Variants in XKR6 observed in about 807,000 individuals in gnomAD.
The protein encoded by XKR6 is XK-related protein 6.
XKR6 carries 22 observed loss-of-function variants against 56.7 expected under a neutral mutation model. The observed-to-expected ratio is 0.39, with a 90% CI of 0.28 to 0.55. The LOEUF (loss-of-function observed/expected upper bound fraction) is 0.55, where lower values mean the gene tolerates loss of function less well. XKR6 is among the 20% of genes least tolerant of loss of function. The pLI, the probability that XKR6 is intolerant of heterozygous loss-of-function variation, is 0.66. For missense variants in XKR6, 852 were observed against 889.0 expected (o/e 0.96, Z 0.53); for synonymous variants, 524 against 387.8 (o/e 1.35, Z -4.13).
intron 1 of XKR6, among the ~76,000 whole-genome samples, chr8:11,000,501 C>T (rs1798213160): frequency 6.6e-6 from 1 of 152,094 alleles, no homozygotes; most frequent in African/African-American, 2.4e-5. Flanking sequence ...GCCTAGCCAG[C>T]ATGGTGAAAC....
At chr8:11,093,448 C>T (rs1307714482) in intron 1 of XKR6, among the ~76,000 whole-genome samples, 1 of 152,208 alleles carries the variant, frequency 6.6e-6, no homozygotes, top group East Asian at 1.9e-4. Context: ...AACTTTTCTG[C>T]GAGCAGTTCT....
chr8:10,966,345 T>G (rs1224785620), intron 1 of XKR6, among the ~76,000 whole-genome samples: 2 of 151,730 alleles, frequency 1.3e-5, no homozygotes, highest in African/African-American at 4.8e-5. Context: ...GCCTGTACCA[T>G]CACCATTAGC....
chr8:10,938,222 G>A (rs1028319529), intron 1 of XKR6, among the ~76,000 whole-genome samples: 1 of 152,176 alleles, frequency 6.6e-6, no homozygotes, highest in Admixed American at 6.5e-5. Context: ...GACCCCTTGC[G>A]CTTCCCAGGT....
chr8:11,117,560 G>A (rs988951715), intron 1 of XKR6, among the ~76,000 whole-genome samples: 14 of 152,088 alleles, frequency 9.2e-5, no homozygotes, highest in African/African-American at 3.1e-4. Context: ...ATCCAGAAAT[G>A]TCACATTTAA....
Position 11,071,197 on chromosome 8 carries a change from G to C in XKR6, c.764+129379C>G, listed in dbSNP as rs144773732. On this transcript the variant is annotated intron_variant, in intron 1 of 2. Transcript: ENST00000416569. ...CAGCCCAGGCACAGCTTCCTCACGG[G>C]TGTGTGGTCATTGCTCAGCATTTAG... is the stretch of plus-strand genomic sequence containing the variant. 4.4e-3 allele frequency among the ~76,000 whole-genome samples: 669 copies of C among 152,286 alleles called. 1 individual carries two copies. Among genetic ancestry groups the C allele is most frequent in the Non-Finnish European group, 6.0e-3 (410 of 68,026 alleles).
chr8:11,070,113 A>G (rs1354968535), intron 1 of XKR6, among the ~76,000 whole-genome samples: 1 of 152,164 alleles, frequency 6.6e-6, no homozygotes, highest in Non-Finnish European at 1.5e-5. Context: ...AGTCCTGACA[A>G]CACAGATGTG....
chr8:11,078,817 G>A (rs1045806671), intron 1 of XKR6, among the ~76,000 whole-genome samples: 2 of 152,192 alleles, frequency 1.3e-5, no homozygotes, highest in African/African-American at 4.8e-5. Flanking sequence ...TCCAGTCTCA[G>A]CACCATAGGA....
At chr8:11,089,450 G>A (rs539423622) in intron 1 of XKR6, among the ~76,000 whole-genome samples, 1 of 152,222 alleles carries the variant, frequency 6.6e-6, no homozygotes, top group Non-Finnish European at 1.5e-5. Context: ...GGACAATACA[G>A]CAAGACCCCA....
intron 1 of XKR6, among the ~76,000 whole-genome samples, chr8:11,048,766 G>C (rs1049999143): frequency 3.3e-5 from 5 of 152,166 alleles, no homozygotes; most frequent in African/African-American, 4.8e-5. Flanking sequence ...AGACCTCCCG[G>C]TGGCTGATGC....
intron 1 of XKR6, among the ~76,000 whole-genome samples, chr8:10,926,502 C>G (rs998283954): frequency 6.6e-6 from 1 of 152,208 alleles, no homozygotes; most frequent in African/African-American, 2.4e-5. Flanking sequence ...AGACCCACCC[C>G]CTGTGGTGAG....
intron 1 of XKR6, among the ~76,000 whole-genome samples, chr8:11,192,785 C>G (rs117548153): frequency 6.6e-6 from 1 of 152,098 alleles, no homozygotes; most frequent in African/African-American, 2.4e-5. Context: ...GCCTGGAATC[C>G]GCATGTTAAT....
chr8:10,913,401 C>T (rs1257432436), intron 2 of XKR6, among the ~76,000 whole-genome samples: 2 of 152,020 alleles, frequency 1.3e-5, no homozygotes, highest in African/African-American at 2.4e-5. Context: ...TTAACCGTTG[C>T]CTTGCCCCTT....
At chr8:11,091,713 A>G (rs1225184661) in intron 1 of XKR6, among the ~76,000 whole-genome samples, 2 of 152,160 alleles carry the variant, frequency 1.3e-5, no homozygotes, top group Non-Finnish European at 2.9e-5. Context: ...AGCCATTTGC[A>G]GTGATGCCCT....
At chr8:11,106,520 C>T (rs1475130511) in intron 1 of XKR6, 1 of 152,262 alleles carries the variant, frequency 6.6e-6, no homozygotes, top group African/African-American at 2.4e-5. Flanking sequence ...CCAGTGGAGA[C>T]AACTGTCATC....
At chr8:11,053,418 C>G (rs1315808807) in intron 1 of XKR6, among the ~76,000 whole-genome samples, 8 of 152,362 alleles carry the variant, frequency 5.3e-5, no homozygotes, top group African/African-American at 1.7e-4. Context: ...CCAGGTCCTT[C>G]TGGTGCTAAT....
chr8:11,119,884 C>T (rs774272105), intron 1 of XKR6, among the ~76,000 whole-genome samples: 28 of 152,054 alleles, frequency 1.8e-4, no homozygotes, highest in Non-Finnish European at 2.4e-4. Context: ...GTTCAACATA[C>T]GAAAATCAAT....
chr8:11,002,759 C>G (rs1218737786), intron 1 of XKR6, among the ~76,000 whole-genome samples: 1 of 152,198 alleles, frequency 6.6e-6, no homozygotes, highest in African/African-American at 2.4e-5. Context: ...GGTGCGGGCT[C>G]AGTGCTAAGG....
intron 1 of XKR6, among the ~76,000 whole-genome samples, chr8:11,063,320 TA>T (rs879575972): frequency 4.3e-3 from 602 of 140,474 alleles, no homozygotes; most frequent in African/African-American, 8.7e-3. Context: ...GAACAAAAAG[TA>T]AAAAAAAAAA....
At chr8:11,188,598 A>T (rs1213638458) in intron 1 of XKR6, among the ~76,000 whole-genome samples, 1 of 152,236 alleles carries the variant, frequency 6.6e-6, no homozygotes, top group Non-Finnish European at 1.5e-5. Flanking sequence ...CTTTTCCTTC[A>T]GAGTTTTCTT....
Sources: allele counts gnomAD v4.1 joint callset (sites outside exome capture counted in the v4.1 genomes callset), GRCh38; gene constraint gnomAD v4.1.1; transcripts MANE v1.5; gene names NCBI Gene and HGNC (gene_info 2026-07-23, HGNC 2026-07-21).